Variants in MIPEP observed in about 807,000 individuals in gnomAD.
The protein encoded by MIPEP is mitochondrial intermediate peptidase.
A neutral mutation model predicts 90.3 loss-of-function variants in MIPEP; 79 were observed. The observed-to-expected ratio is 0.87, with a 90% CI of 0.73 to 1.05. The LOEUF is 1.05. MIPEP is among the 50% of genes least tolerant of loss of function. The pLI is 0.00. For missense variants in MIPEP, 940 were observed against 905.6 expected, an observed-to-expected ratio of 1.04 and a Z score of -0.49; for synonymous variants, 334 against 315.8, an observed-to-expected ratio of 1.06 and a Z score of -0.61.
chr13:23,750,742 T>C (rs543474464), intron 18 of MIPEP, among the ~76,000 whole-genome samples: 18 of 152,362 alleles, frequency 1.2e-4, no homozygotes, highest in East Asian at 3.9e-4. Context: ...CTCTTCTCTA[T>C]GGGAGATTAT....
chr13:23,877,108 A>C (rs541324965), intron 4 of MIPEP, among the ~76,000 whole-genome samples: 2 of 152,318 alleles, frequency 1.3e-5, no homozygotes, highest in South Asian at 4.1e-4. Context: ...ATCTGGTATA[A>C]GTCCCTTTTT....
intron 16 of MIPEP, among the ~76,000 whole-genome samples, chr13:23,785,190 G>T (rs1952825193): frequency 6.6e-6 from 1 of 152,144 alleles, no homozygotes; most frequent in African/African-American, 2.4e-5. Flanking sequence ...ACTTGCACAT[G>T]TATGTTTATT....
chr13:23,835,078 T>C (rs1868973646), intron 14 of MIPEP, among the ~76,000 whole-genome samples: 1 of 148,106 alleles, frequency 6.8e-6, no homozygotes, highest in Admixed American at 6.9e-5. Context: ...TGGAGTGCAG[T>C]GGCGCAATGT....
intron 16 of MIPEP, among the ~76,000 whole-genome samples, chr13:23,781,369 A>C (rs930948506): frequency 2.0e-5 from 3 of 152,302 alleles, no homozygotes; most frequent in Middle Eastern, 3.4e-3. Context: ...TCATAAGTGA[A>C]GGAGAAATAA....
rs947694512 is a variant in MIPEP, at chr13:23,885,791, T to C, written c.363+542A>G. 4.6e-5 allele frequency among the ~76,000 whole-genome samples: 7 copies of C among 151,460 alleles called. 1 individual carries two copies. The highest frequency in any genetic ancestry group is 1.5e-4 in the African/African-American group (6 of 41,286). On this transcript the variant is annotated intron_variant, in intron 2 of 18. Coordinates refer to ENST00000382172, the MANE Select transcript of MIPEP (RefSeq NM_005932.4). ...TTATTAAAACTGGTTTTCACACCTC[T>C]TATGAAAAAGAAGTGGCTCACACTT...
At chr13:23,756,493 A>C in intron 18 of MIPEP, 52 bp downstream of exon 18, 1 of 1,554,940 alleles carries the variant, frequency 6.4e-7, no homozygotes, top group South Asian at 1.1e-5. Flanking sequence ...ACATATGGAG[A>C]AAACATAAAT....
At chr13:23,775,795 A>G (rs1320825604) in intron 16 of MIPEP, among the ~76,000 whole-genome samples, 6 of 152,218 alleles carry the variant, frequency 3.9e-5, no homozygotes, top group Non-Finnish European at 8.8e-5. Context: ...AAGCAAAAAC[A>G]CAGGAAGAAG....
chr13:23,888,819 G>C, intron 1 of MIPEP: 1 of 960,674 alleles, frequency 1.0e-6, no homozygotes, highest in Non-Finnish European at 1.3e-6. Context: ...AGTGTATGCA[G>C]AGGGCGGGTC....
At chr13:23,843,393 T>C (rs891343259) in intron 10 of MIPEP, among the ~76,000 whole-genome samples, 2 of 152,238 alleles carry the variant, frequency 1.3e-5, no homozygotes, top group African/African-American at 2.4e-5. Flanking sequence ...CCATAGGCCA[T>C]GGCCTCTAAG....
At chr13:23,811,257 C>CA (rs1006893274) in intron 14 of MIPEP, among the ~76,000 whole-genome samples, 3 of 151,858 alleles carry the variant, frequency 2.0e-5, no homozygotes, top group Admixed American at 2.0e-4. Flanking sequence ...ATAATTTTTA[C>CA]AAAAAAAGTA....
At chr13:23,843,118 A>G (rs1349915612) in intron 10 of MIPEP, among the ~76,000 whole-genome samples, 1 of 151,628 alleles carries the variant, frequency 6.6e-6, no homozygotes, top group East Asian at 1.9e-4. Context: ...AAAAAAAAAA[A>G]AGGAATCAGA....
At chr13:23,755,447 G>A (rs140820841) in intron 18 of MIPEP, among the ~76,000 whole-genome samples, 1 of 152,332 alleles carries the variant, frequency 6.6e-6, no homozygotes, top group Non-Finnish European at 1.5e-5. Context: ...CTTAGGCAAG[G>A]AGACATTTAA....
rs186221374 is a variant in MIPEP, at chr13:23,743,601, C to G, written c.2044+12944G>C. ...TCTAGAATTATTAACTGAAGTGAAG[C>G]CTCTGAACCTGTGTTAGACAGAAGT... On this transcript the variant is annotated intron_variant, in intron 18 of 18. Coordinates refer to ENST00000382172, the MANE Select transcript of MIPEP (RefSeq NM_005932.4). 3.6e-3 allele frequency among the ~76,000 whole-genome samples: 545 copies of G among 152,362 alleles called. 5 individuals carry two copies. The highest frequency in any genetic ancestry group is 5.0e-3 in the Non-Finnish European group (338 of 68,042).
chr13:23,739,465 A>G (rs1952302552), intron 18 of MIPEP, among the ~76,000 whole-genome samples: 2 of 152,248 alleles, frequency 1.3e-5, no homozygotes, highest in African/African-American at 4.8e-5. Context: ...ACACCTAAGA[A>G]GCTTCTTTCA....
At chr13:23,867,948 A>T (rs1593200678) in intron 7 of MIPEP, among the ~76,000 whole-genome samples, 1 of 147,702 alleles carries the variant, frequency 6.8e-6, no homozygotes, top group African/African-American at 2.5e-5. Flanking sequence ...TATAAATATA[A>T]AATAAAAATA....
intron 10 of MIPEP, among the ~76,000 whole-genome samples, chr13:23,844,491 T>A (rs1395576986): frequency 6.6e-6 from 1 of 152,138 alleles, no homozygotes; most frequent in African/African-American, 2.4e-5. Context: ...CAGGCAGCCA[T>A]AGAGAATCAC....
At chr13:23,885,613 G>T (rs1871443629) in intron 2 of MIPEP, among the ~76,000 whole-genome samples, 1 of 150,974 alleles carries the variant, frequency 6.6e-6, no homozygotes, top group Non-Finnish European at 1.5e-5. Context: ...AGAAAATTTT[G>T]CTATCTCAGC....
intron 18 of MIPEP, among the ~76,000 whole-genome samples, chr13:23,744,864 C>T (rs967169607): frequency 2.0e-5 from 3 of 152,122 alleles, no homozygotes; most frequent in African/African-American, 4.8e-5. Flanking sequence ...AATGTCTATC[C>T]TAATGTGGAA....
chr13:23,873,218 T>C (rs1870910379), intron 5 of MIPEP, among the ~76,000 whole-genome samples: 2 of 152,036 alleles, frequency 1.3e-5, no homozygotes, highest in Admixed American at 6.6e-5. Context: ...AGCAAACACA[T>C]GGGGGAGGAC....
Sources: allele counts gnomAD v4.1 joint callset (sites outside exome capture counted in the v4.1 genomes callset), GRCh38; gene constraint gnomAD v4.1.1; transcripts MANE v1.5; gene names NCBI Gene and HGNC (gene_info 2026-07-23, HGNC 2026-07-21).